The following FBXL5 variants were observed in gnomAD, a reference collection of about 807,000 sequenced individuals.
FBXL5 encodes F-box and leucine rich repeat protein 5.
Under a neutral mutation model 78.3 loss-of-function variants are expected in FBXL5, and 26 were observed. The ratio of observed to expected loss-of-function variants is 0.33; its 90% CI spans 0.24 to 0.46. FBXL5 has a LOEUF of 0.46. FBXL5 is among the 20% of genes least tolerant of loss of function. FBXL5 has a pLI of 1.00. For synonymous variants in FBXL5, 295 were observed against 282.5 expected (o/e 1.04, Z -0.45); for missense variants, 710 against 829.2 (o/e 0.86, Z 1.77).
rs560453752 is a variant in FBXL5, at chr4:15,606,910, C to CA, written c.2000-1112dup. 1.5e-3 allele frequency among the ~76,000 whole-genome samples: 224 copies of CA among 152,152 alleles called. 3 individuals carry two copies. Among genetic ancestry groups the CA allele is most frequent in the Non-Finnish European group, 2.2e-3 (148 of 67,978 alleles). ...CAGCACTCGGCTGCAACAACAACAACAAAAAAGCAAGTAAGCTAATACTAC... is the reference window on the plus strand; with the variant it reads ...CAGCACTCGGCTGCAACAACAACAACAAAAAAAGCAAGTAAGCTAATACTAC... On this transcript the variant is annotated intron_variant, in intron 10 of 10. Transcript: ENST00000341285.
intron 1 of FBXL5, among the ~76,000 whole-genome samples, chr4:15,650,411 T>A (rs192757337): frequency 4.6e-5 from 7 of 152,272 alleles, no homozygotes; most frequent in African/African-American, 1.4e-4. Context: ...TATTTACTTT[T>A]CGGTTTAAAT....
chr4:15,669,041 G>A (rs770474428), intron 1 of FBXL5, among the ~76,000 whole-genome samples: 8 of 152,106 alleles, frequency 5.3e-5, no homozygotes, highest in Non-Finnish European at 8.8e-5. Flanking sequence ...TAGGAAGATC[G>A]GTTAGTACAG....
Position 15,605,615 on chromosome 4 carries a change from A to G in FBXL5, c.*108T>C. 1 of 845,760 alleles carries G rather than the reference A, an allele frequency of 1.2e-6. No individual in the cohort carries two copies. 52.4% of individuals were successfully genotyped at this position (845,760 alleles called of 1,614,324 possible). ...AGTTGTAAGAAATGGGGCCAAAACA[A>G]GTCACGCTCAAAAAGGGATGGTTAA... On this transcript the variant is annotated 3_prime_UTR_variant, in exon 11 of 11. Transcript: ENST00000341285.
chr4:15,657,880 G>C (rs1216437620), upstream of FBXL5, among the ~76,000 whole-genome samples: 1 of 152,164 alleles, frequency 6.6e-6, no homozygotes, highest in Non-Finnish European at 1.5e-5. Flanking sequence ...CTCTCTGTGA[G>C]ACCTTTTTGG....
At chr4:15,653,988 TG>T (rs1442364092) in intron 1 of FBXL5, among the ~76,000 whole-genome samples, 1 of 152,228 alleles carries the variant, frequency 6.6e-6, no homozygotes, top group East Asian at 1.9e-4. Flanking sequence ...TTCCAACTCA[TG>T]TGAACTGGGT....
At chr4:15,628,101 C>G (rs1173319727) in intron 6 of FBXL5, 68 bp from the exon 7 acceptor site, 30 of 1,456,374 alleles carry the variant, frequency 2.1e-5, no homozygotes, top group Non-Finnish European at 2.7e-5. Flanking sequence ...CAAGCGCTCA[C>G]CAAATTGTTA....
At chr4:15,636,450 T>C (rs1714274703) in intron 5 of FBXL5, 44 bp downstream of exon 5, 1 of 1,404,504 alleles carries the variant, frequency 7.1e-7, no homozygotes, top group Non-Finnish European at 9.5e-7. Context: ...TGAATATTCA[T>C]CTAGAAAAAT....
intron 9 of FBXL5, among the ~76,000 whole-genome samples, chr4:15,617,307 C>G (rs139097918): frequency 2.4e-4 from 37 of 152,102 alleles, no homozygotes; most frequent in South Asian, 1.5e-3. Context: ...TTCGGGAGGC[C>G]GAGGCAGGTG....
At chr4:15,667,248 G>A (rs983006336) in intron 1 of FBXL5, among the ~76,000 whole-genome samples, 2 of 152,124 alleles carry the variant, frequency 1.3e-5, no homozygotes, top group African/African-American at 4.8e-5. Flanking sequence ...AACCTTGATG[G>A]CAGTCCATGA....
intron 8 of FBXL5, 132 bp downstream of exon 8, chr4:15,626,741 T>C: frequency 1.5e-6 from 1 of 657,784 alleles, no homozygotes; most frequent in Admixed American, 2.8e-5. Context: ...AACTGGAGGG[T>C]GCTATCAAAT....
intron 1 of FBXL5, among the ~76,000 whole-genome samples, chr4:15,668,792 C>T (rs1475719274): frequency 6.6e-6 from 1 of 152,214 alleles, no homozygotes; most frequent in Non-Finnish European, 1.5e-5. Flanking sequence ...TTATTATCAT[C>T]ATTAAAGCAT....
chr4:15,650,661 CTTTTTTTTTTTT>C (rs34334098), intron 1 of FBXL5, among the ~76,000 whole-genome samples: 5 of 77,912 alleles, frequency 6.4e-5, no homozygotes, highest in East Asian at 4.1e-4. Flanking sequence ...AACTGACTTT[CTTTTTTTTTTTT>C]TTTTTTTTTT....
chr4:15,657,543 A>C (rs1016301095), upstream of FBXL5, among the ~76,000 whole-genome samples: 3 of 152,252 alleles, frequency 2.0e-5, no homozygotes, highest in African/African-American at 7.2e-5. Flanking sequence ...ACTGTAACCC[A>C]GATTTGAAGC....
chr4:15,610,718 A>C (rs1204635677), intron 10 of FBXL5, among the ~76,000 whole-genome samples: 1 of 152,110 alleles, frequency 6.6e-6, no homozygotes, highest in Non-Finnish European at 1.5e-5. Context: ...CCCTCTACCC[A>C]ATAACATCTA....
intron 5 of FBXL5, among the ~76,000 whole-genome samples, chr4:15,634,665 C>A (rs538309092): frequency 5.8e-4 from 88 of 151,760 alleles, no homozygotes; most frequent in African/African-American, 2.1e-3. Flanking sequence ...CTGTGCCCGG[C>A]CATTTTTTTT....
chr4:15,669,741 T>C (rs1386933768), intron 1 of FBXL5, among the ~76,000 whole-genome samples: 1 of 152,230 alleles, frequency 6.6e-6, no homozygotes, highest in Non-Finnish European at 1.5e-5. Context: ...TGGTCAGTAC[T>C]TTTTTTCTTA....
At chr4:15,618,670 C>T (rs927586281) in intron 9 of FBXL5, among the ~76,000 whole-genome samples, 3 of 151,994 alleles carry the variant, frequency 2.0e-5, no homozygotes, top group Admixed American at 6.5e-5. Flanking sequence ...GGTGAAACCC[C>T]GTCTCCACTA....
Position 15,605,632 on chromosome 4 carries a change from G to T in FBXL5, c.*91C>A. 1 of 1,049,710 alleles carries T rather than the reference G, an allele frequency of 9.5e-7. No individual in the cohort carries two copies. Among genetic ancestry groups the T allele is most frequent in the Non-Finnish European group, 1.4e-6 (1 of 696,808 alleles). 65.0% of individuals were successfully genotyped at this position (1,049,710 alleles called of 1,614,324 possible). A position where few individuals can be genotyped will look rare whatever the true frequency, so the allele number is the denominator to read the frequency against. ...CCAAAACAAGTCACGCTCAAAAAGG[G>T]ATGGTTAACACAAGAAATGTGCTAT... On this transcript the variant is annotated 3_prime_UTR_variant, in exon 11 of 11. Transcript: ENST00000341285.
chr4:15,676,662 T>C (rs896031498), intron 1 of FBXL5, among the ~76,000 whole-genome samples: 3 of 151,114 alleles, frequency 2.0e-5, no homozygotes, highest in African/African-American at 2.4e-5. Flanking sequence ...GAGAGAAGGG[T>C]AGAGTGTGTG....
Sources: gnomAD v4.1 joint callset for allele counts (sites outside exome capture counted in the v4.1 genomes callset) on GRCh38, gnomAD v4.1.1 for gene constraint, MANE v1.5 for transcripts, NCBI Gene and HGNC (gene_info 2026-07-23, HGNC 2026-07-21) for gene names.